Variants in IARS2 observed in about 807,000 individuals in gnomAD.
The protein encoded by IARS2 is isoleucine--tRNA ligase, mitochondrial.
Under a neutral mutation model 126.3 loss-of-function variants are expected in IARS2, and 56 were observed. The ratio of observed to expected loss-of-function variants is 0.44; its 90% confidence interval spans 0.36 to 0.55. The LOEUF (loss-of-function observed/expected upper bound fraction) is 0.55. Ranked by LOEUF, IARS2 falls within the 20% of genes least tolerant of loss-of-function variation. The probability of loss-of-function intolerance (pLI) is 0.00; values close to 1 mark genes in which losing one functional copy is unlikely to be tolerated. For synonymous variants in IARS2, 407 were observed against 441.1 expected, an observed-to-expected ratio of 0.92 and a Z score of 0.97; for missense variants, 1,127 against 1,245.9, an observed-to-expected ratio of 0.90 and a Z score of 1.44.
chr1:220,121,124 T>A (rs1434152534), intron 12 of IARS2, among the ~76,000 whole-genome samples: 1 of 152,228 alleles, frequency 6.6e-6, no homozygotes, highest in Non-Finnish European at 1.5e-5. Flanking sequence ...GTATGTTGTT[T>A]TATTTACAGT....
At chr1:220,130,973 C>T (rs962635959) in intron 14 of IARS2, among the ~76,000 whole-genome samples, 3 of 152,226 alleles carry the variant, frequency 2.0e-5, no homozygotes, top group South Asian at 2.1e-4. Flanking sequence ...CAACACCATG[C>T]GTTTTTACTG....
chr1:220,096,611 A>G (rs1165411132), intron 2 of IARS2, among the ~76,000 whole-genome samples: 1 of 152,220 alleles, frequency 6.6e-6, no homozygotes, highest in Non-Finnish European at 1.5e-5. Context: ...TTTCATTGAG[A>G]GAATATGTTA....
intron 12 of IARS2, among the ~76,000 whole-genome samples, chr1:220,122,840 G>A (rs1657075834): frequency 6.6e-6 from 1 of 150,784 alleles, no homozygotes; most frequent in Admixed American, 6.6e-5. Context: ...CTTTTACTTC[G>A]ATATTATTTT....
chr1:220,130,291 T>C (rs906789608), intron 14 of IARS2, among the ~76,000 whole-genome samples: 1 of 152,226 alleles, frequency 6.6e-6, no homozygotes. Flanking sequence ...ACAAATAGTT[T>C]GCAAAGATTT....
intron 2 of IARS2, among the ~76,000 whole-genome samples, chr1:220,097,967 C>T (rs1571842660): frequency 6.6e-6 from 1 of 152,120 alleles, no homozygotes; most frequent in African/African-American, 2.4e-5. Context: ...CTCCGTCTCC[C>T]GGGTTCACGC....
intron 19 of IARS2, among the ~76,000 whole-genome samples, chr1:220,140,927 T>A (rs1657476707): frequency 7.0e-6 from 1 of 143,638 alleles, no homozygotes; most frequent in South Asian, 2.2e-4. Flanking sequence ...GAGCTTGCAG[T>A]GAGCCGAGAT....
intron 12 of IARS2, among the ~76,000 whole-genome samples, chr1:220,118,502 C>T (rs1198573414): frequency 6.6e-6 from 1 of 151,802 alleles, no homozygotes; most frequent in African/African-American, 2.4e-5. Context: ...GAGATAATGC[C>T]ATTAGAATTT....
Position 220,145,649 on chromosome 1 carries a change from A to T in IARS2, c.2892A>T (p.Leu964Phe). The T allele has an allele frequency of 6.2e-7, 1 of 1,608,914 alleles. No individual in the cohort carries two copies. Among genetic ancestry groups the T allele is most frequent in the Non-Finnish European group, 8.5e-7 (1 of 1,177,112 alleles). The change falls in exon 22 of 23, where the codon TTA becomes TTT. Residue 964 changes from leucine to phenylalanine, a missense_variant. By Grantham distance (22) the Leu-to-Phe change is conservative. Transcript: ENST00000366922. ...TTAAAGGGAAATTCCTCATCAACTT[A>T]GAAGGTAAGAAGGAGATGAAAGTAA... is the stretch of plus-strand genomic sequence containing the variant. ...IELKGKFLIN[L>F]EGGDIREESS...
intron 17 of IARS2, 42 bp from the exon 18 acceptor site, chr1:220,138,966 A>G (rs750482083): frequency 1.0e-5 from 16 of 1,576,322 alleles, no homozygotes; most frequent in Non-Finnish European, 1.4e-5. Flanking sequence ...TGAAGGCACC[A>G]TTAGATTTTT....
intron 10 of IARS2, among the ~76,000 whole-genome samples, chr1:220,110,036 G>T (rs548208558): frequency 5.3e-5 from 8 of 152,218 alleles, no homozygotes; most frequent in South Asian, 2.1e-4. Context: ...TTGATACCTG[G>T]AAGGTGACTA....
chr1:220,146,889 C>T (rs990117150), intron 22 of IARS2, among the ~76,000 whole-genome samples: 2 of 152,110 alleles, frequency 1.3e-5, no homozygotes, highest in Non-Finnish European at 2.9e-5. Flanking sequence ...CCAGGCTGGT[C>T]TTGAACTCCT....
intron 10 of IARS2, 108 bp downstream of exon 10, chr1:220,107,259 A>G (rs1238109177): frequency 5.6e-6 from 4 of 711,888 alleles, no homozygotes; most frequent in African/African-American, 1.8e-5. Flanking sequence ...AAAAAAATAA[A>G]TTATGTCTTG....
At chr1:220,102,300 T>G in intron 4 of IARS2, 23 bp downstream of exon 4, 1 of 1,603,808 alleles carries the variant, frequency 6.2e-7, no homozygotes, top group Non-Finnish European at 8.5e-7. Flanking sequence ...TTTTTCTCTT[T>G]GAGTAGGTTT....
At chr1:220,132,286 C>T (rs745882128) in intron 14 of IARS2, among the ~76,000 whole-genome samples, 3 of 152,112 alleles carry the variant, frequency 2.0e-5, no homozygotes, top group Admixed American at 6.5e-5. Context: ...TGGTAGAATT[C>T]AGCAGTAAAG....
At position 220,147,520 on chromosome 1, in the gene IARS2, A is replaced by T; in HGVS notation, c.2924A>T (p.Tyr975Phe). 2 of 1,614,140 alleles carry T rather than the reference A, an allele frequency of 1.2e-6. No homozygotes were observed. The highest frequency in any genetic ancestry group is 2.2e-5 in the South Asian group (2 of 91,084). The change falls in exon 23 of 23, where the codon TAT (tyrosine) becomes TTT (phenylalanine). Residue 975 changes from tyrosine (Y) to phenylalanine (F), a missense_variant. Tyr to Phe is a conservative substitution (Grantham distance 22). Coordinates refer to ENST00000366922, the MANE Select transcript of IARS2 (RefSeq NM_018060.4). ...EGGDIREESSYKVIVMPTTKE... is the reference protein window; with the variant it reads ...EGGDIREESSFKVIVMPTTKE... ...GGTGATATTCGTGAAGAGTCTTCCT[A>T]TAAAGTAATTGTCATGCCGACTACG...
chr1:220,144,309 G>C, intron 21 of IARS2: 1 of 755,300 alleles, frequency 1.3e-6, no homozygotes. Context: ...TGGCATTGTT[G>C]ATGCTCTTGA....
At chr1:220,145,461 A>T in intron 21 of IARS2, 48 bp from the exon 22 acceptor site, 1 of 1,540,860 alleles carries the variant, frequency 6.5e-7, no homozygotes, top group Non-Finnish European at 8.8e-7. Flanking sequence ...ACCTCAGTTT[A>T]TGGTACAAAT....
chr1:220,140,218 A>T lies in IARS2; in HGVS notation c.2343A>T (p.Lys781Asn). ...TELYKQYDFG[K>N]VVRLLRTFYT... Reference sequence around the variant, plus strand: ...TATACAAACAATATGATTTTGGAAAAGTTGTTCGGCTGTTACGGACGTTTT... The same window carrying T: ...TATACAAACAATATGATTTTGGAAATGTTGTTCGGCTGTTACGGACGTTTT... Residue 781 changes from lysine (K) to asparagine (N), a missense_variant, in exon 19 of 23, where the codon AAA (lysine) becomes AAT (asparagine). Coordinates refer to ENST00000366922, the MANE Select transcript of IARS2 (RefSeq NM_018060.4). The T allele has an allele frequency of 6.2e-7, 1 of 1,612,988 alleles. No individual in the cohort carries two copies. Among genetic ancestry groups the T allele is most frequent in the Non-Finnish European group, 8.5e-7 (1 of 1,179,074 alleles).
intron 17 of IARS2, 96 bp downstream of exon 17, chr1:220,138,139 G>T: frequency 2.3e-6 from 3 of 1,317,650 alleles, no homozygotes; most frequent in Non-Finnish European, 3.2e-6. Flanking sequence ...GAAAAAAACT[G>T]AATGAAAACG....
Sources: gnomAD v4.1 joint callset for allele counts (sites outside exome capture counted in the v4.1 genomes callset) on GRCh38, gnomAD v4.1.1 for gene constraint, MANE v1.5 for transcripts, NCBI Gene and HGNC (gene_info 2026-07-23, HGNC 2026-07-21) for gene names.